DENND1B: variants seen among roughly 807,000 people sequenced by gnomAD.
DENND1B encodes the protein DENN domain containing 1B.
In DENND1B, 59 loss-of-function variants were observed where a neutral mutation model predicts 90.1. That is an observed-to-expected ratio of 0.65 (90% CI 0.53 to 0.81). DENND1B has a LOEUF of 0.81. Ranked by LOEUF, DENND1B falls within the 40% of genes least tolerant of loss-of-function variation. The pLI, the probability that DENND1B is intolerant of heterozygous loss-of-function variation, is 0.00. For missense variants in DENND1B, 862 were observed against 912.6 expected (o/e 0.94, Z 0.71); for synonymous variants, 337 against 324.6 (o/e 1.04, Z -0.41).
intron 10 of DENND1B, among the ~76,000 whole-genome samples, chr1:197,635,822 C>T (rs545922341): frequency 2.1e-4 from 32 of 152,082 alleles, no homozygotes; most frequent in African/African-American, 7.0e-4. Flanking sequence ...CATTCAGAAG[C>T]ATGCATGTGG....
intron 15 of DENND1B, among the ~76,000 whole-genome samples, chr1:197,573,409 T>C (rs143715850): frequency 1.7e-3 from 263 of 152,324 alleles, no homozygotes; most frequent in Middle Eastern, 3.4e-3. Flanking sequence ...CAGGAAGAAG[T>C]TGAATCTCTG....
intron 10 of DENND1B, 83 bp downstream of exon 10, chr1:197,642,628 A>G (rs1680364255): frequency 4.5e-6 from 4 of 882,016 alleles, no homozygotes; most frequent in South Asian, 1.7e-5. Context: ...TACACATAGC[A>G]CATTTCTAAA....
At chr1:197,546,672 TG>T in intron 17 of DENND1B, 60 bp downstream of exon 17, 1 of 1,386,474 alleles carries the variant, frequency 7.2e-7, no homozygotes, top group Non-Finnish European at 9.8e-7. Flanking sequence ...AGCATACTTT[TG>T]CTGAACATTT....
intron 20 of DENND1B, among the ~76,000 whole-genome samples, chr1:197,513,493 C>T (rs769886506): frequency 1.5e-4 from 22 of 144,324 alleles, no homozygotes; most frequent in Non-Finnish European, 3.2e-4. Flanking sequence ...TTCTAACAAG[C>T]TCTTAGGTAA....
intron 20 of DENND1B, among the ~76,000 whole-genome samples, chr1:197,522,959 CA>C (rs1356774065): frequency 6.6e-6 from 1 of 152,130 alleles, no homozygotes; most frequent in African/African-American, 2.4e-5. Flanking sequence ...GTCTCAAAGA[CA>C]GGGGGAGTTT....
At chr1:197,700,409 T>C (rs1658904224) in intron 3 of DENND1B, among the ~76,000 whole-genome samples, 1 of 152,138 alleles carries the variant, frequency 6.6e-6, no homozygotes, top group Non-Finnish European at 1.5e-5. Flanking sequence ...TGGCTAGCCA[T>C]ATGCAGAAAA....
intron 3 of DENND1B, among the ~76,000 whole-genome samples, chr1:197,686,461 T>C (rs1463859428): frequency 6.6e-6 from 1 of 152,156 alleles, no homozygotes; most frequent in Non-Finnish European, 1.5e-5. Context: ...CTACTGAGTT[T>C]TCTCAGCCTG....
At chr1:197,597,325 C>T (rs1204005373) in intron 13 of DENND1B, among the ~76,000 whole-genome samples, 1 of 151,472 alleles carries the variant, frequency 6.6e-6, no homozygotes, top group African/African-American at 2.4e-5. Flanking sequence ...TTAATTACTA[C>T]CTCCACCCCC....
At chr1:197,555,281 T>C (rs952155108) in intron 15 of DENND1B, among the ~76,000 whole-genome samples, 1 of 152,032 alleles carries the variant, frequency 6.6e-6, no homozygotes, top group Admixed American at 6.6e-5. Context: ...AGGAAATACC[T>C]TTCCAGACAC....
rs1192404533 is a variant in DENND1B at position 197,735,752 on chromosome 1, G to A, written c.83-20678C>T. ...TTCTTAATGCAAAATGCGAATCGGCGTACTTTTCCAGGGGGAATCCTCGGC... is the reference window on the plus strand; with the variant it reads ...TTCTTAATGCAAAATGCGAATCGGCATACTTTTCCAGGGGGAATCCTCGGC... On this transcript the variant is annotated intron_variant, in intron 2 of 22. Coordinates refer to ENST00000620048, the MANE Select transcript of DENND1B (RefSeq NM_001195215.2). 8 of 1,612,118 alleles carry A rather than the reference G, an allele frequency of 5.0e-6. No individual in the cohort carries two copies. The African/African-American group carries it at 5.3e-5, about 11-fold the overall frequency.
rs191892065 is a variant in DENND1B at position 197,684,859 on chromosome 1, C to T, written c.127-10690G>A. ...CTGGACCAGGCACAGTGGCTCATGCCTGTAATCCCAGCACTCTGGAAGGCT... is the reference window on the plus strand; with the variant it reads ...CTGGACCAGGCACAGTGGCTCATGCTTGTAATCCCAGCACTCTGGAAGGCT... On this transcript the variant is annotated intron_variant, in intron 3 of 22. Transcript: ENST00000620048. Among the ~76,000 whole-genome samples the T allele has an allele frequency of 1.6e-3, 249 of 152,290 alleles. 7 individuals are homozygous for T. The highest frequency in any genetic ancestry group is 0.014 in the Admixed American group (220 of 15,298).
At chr1:197,736,024 G>A (rs2102341143) in intron 2 of DENND1B, 3 of 971,498 alleles carry the variant, frequency 3.1e-6, no homozygotes, top group Non-Finnish European at 4.9e-6. Context: ...AATGGCTGCT[G>A]TTAAGGCACC....
chr1:197,510,344 T>A lies in DENND1B; in HGVS notation c.*116A>T, dbSNP rs1244215706. 1 of 1,177,036 alleles carries A rather than the reference T, an allele frequency of 8.5e-7. No individual in the cohort carries two copies. Among genetic ancestry groups the A allele is most frequent in the Non-Finnish European group, 1.2e-6 (1 of 863,366 alleles). 72.9% of individuals were successfully genotyped at this position (1,177,036 alleles called of 1,614,324 possible). On this transcript the variant is annotated 3_prime_UTR_variant, in exon 23 of 23. Coordinates refer to ENST00000620048, the MANE Select transcript of DENND1B (RefSeq NM_001195215.2). ...CGAAATGAACAAGTGAGAAAAATGT[T>A]GCAAATGCAAAAAAAAATTTAAATA...
rs145737931 is a variant in DENND1B, at chr1:197,749,886, C to G, written c.82+22982G>C. Among the ~76,000 whole-genome samples, 103 of 152,204 alleles carry G rather than the reference C, an allele frequency of 6.8e-4. No individual in the cohort carries two copies. In the East Asian group the frequency reaches 0.02, roughly 29 times the overall value. On this transcript the variant is annotated intron_variant, in intron 2 of 22. Coordinates refer to ENST00000620048, the MANE Select transcript of DENND1B (RefSeq NM_001195215.2). The stretch of plus-strand genomic sequence containing the variant: ...TTTTTGAGACAGGATCTTGCTCTGT[C>G]GCCCAGGCTGGAATACAGTAGCACC...
rs1669706686 is a variant in DENND1B at position 197,534,102 on chromosome 1, A to T, written c.1515+5862T>A. ...TTACAAGAAAAAAACAAACAACCCCATCAAAAAGTGGGCGAAGGACATGAA... is the reference window on the plus strand; with the variant it reads ...TTACAAGAAAAAAACAAACAACCCCTTCAAAAAGTGGGCGAAGGACATGAA... On this transcript the variant is annotated intron_variant, in intron 20 of 22. Coordinates refer to ENST00000620048, the MANE Select transcript of DENND1B (RefSeq NM_001195215.2). Among the ~76,000 whole-genome samples, 2 of 1,076 alleles carry T rather than the reference A, an allele frequency of 1.9e-3. 1 individual carries two copies. The highest frequency in any genetic ancestry group is 1.9e-3 in the African/African-American group (2 of 1,056). 0.7% of individuals were successfully genotyped at this position (1,076 alleles called of 152,430 possible).
At chr1:197,758,960 A>ATTT (rs759108636) in intron 2 of DENND1B, among the ~76,000 whole-genome samples, 23 of 97,834 alleles carry the variant, frequency 2.4e-4, no homozygotes, top group African/African-American at 6.6e-4. Flanking sequence ...TACTTCATTA[A>ATTT]TTTTTTTTTT....
rs898551894 is a variant in DENND1B at position 197,552,232 on chromosome 1, C to A, written c.1240+790G>T. The A allele has an allele frequency of 8.1e-6, 8 of 984,172 alleles. No homozygotes were observed. In the African/African-American group the frequency reaches 1.4e-4, roughly 17 times the overall value. 61.0% of individuals were successfully genotyped at this position (984,172 alleles called of 1,614,324 possible). On this transcript the variant is annotated intron_variant, in intron 16 of 22. Coordinates refer to ENST00000620048, the MANE Select transcript of DENND1B (RefSeq NM_001195215.2). ...TTTAAAAAATTGCTATTATACCAGG[C>A]CAAAAATTAACACACTAAGATACAG...
In DENND1B at chr1:197,636,795, G is replaced by A. The variant is rs183064406; in HGVS notation, c.672+5916C>T. Reference sequence around the variant, plus strand: ...AAGACAGTGGGCAGTTGAAGAACAGGAATCGGAGAAGAAAAGATTAAGGAG... The same window carrying A: ...AAGACAGTGGGCAGTTGAAGAACAGAAATCGGAGAAGAAAAGATTAAGGAG... On this transcript the variant is annotated intron_variant, in intron 10 of 22. Transcript: ENST00000620048. Among the ~76,000 whole-genome samples the A allele has an allele frequency of 6.6e-5, 10 of 152,226 alleles. No individual in the cohort carries two copies. The East Asian group carries it at 1.7e-3, about 26-fold the overall frequency.
intron 2 of DENND1B, chr1:197,735,386 A>T: frequency 7.2e-7 from 1 of 1,389,332 alleles, no homozygotes; most frequent in Non-Finnish European, 9.3e-7. Context: ...AATAAAATTT[A>T]AAAGTCCAAG....
Sources: gnomAD v4.1 joint callset for allele counts (sites outside exome capture counted in the v4.1 genomes callset) on GRCh38, gnomAD v4.1.1 for gene constraint, MANE v1.5 for transcripts, NCBI Gene and HGNC (gene_info 2026-07-23, HGNC 2026-07-21) for gene names.